The following DOCK1 variants were observed in gnomAD, a reference collection of about 807,000 sequenced individuals.
The protein encoded by DOCK1 is dedicator of cytokinesis 1, also known as dedicator of cytokinesis protein 1.
Under a neutral mutation model 262.7 loss-of-function variants are expected in DOCK1, and 138 were observed. That is an observed-to-expected ratio of 0.53 (90% CI 0.46 to 0.61). The LOEUF is 0.61. Among genes scored for constraint, DOCK1 ranks in the 20% least tolerant of loss-of-function variants. The pLI is 0.00. For synonymous variants in DOCK1, 866 were observed against 867.4 expected (o/e 1.00, Z 0.03); for missense variants, 1,908 against 2,370.7 (o/e 0.80, Z 4.05).
At chr10:127,305,478 G>A (rs2061839972) in intron 29 of DOCK1, among the ~76,000 whole-genome samples, 1 of 152,100 alleles carries the variant, frequency 6.6e-6, no homozygotes, top group African/African-American at 2.4e-5. Context: ...AACACACATT[G>A]CTGGACCTTA....
intron 27 of DOCK1, among the ~76,000 whole-genome samples, chr10:127,204,927 T>G (rs1462107675): frequency 6.6e-6 from 1 of 152,168 alleles, no homozygotes; most frequent in East Asian, 1.9e-4. Flanking sequence ...CCCATTTGAC[T>G]GTGGGTGGCC....
In DOCK1 at chr10:127,409,121, G is replaced by A. The variant is rs771871044; in HGVS notation, c.4207G>A (p.Glu1403Lys). 3.8e-5 allele frequency: 62 copies of A among 1,610,810 alleles called. No individual in the cohort carries two copies. Among genetic ancestry groups the A allele is most frequent in the Admixed American group, 1.5e-4 (9 of 59,480 alleles). The stretch of plus-strand genomic sequence containing the variant: ...GCTCTTAACTCAGTTTCCAAACGCC[G>A]AGAAAATGAAGACAACATCTCCACC... ...ARLLTQFPNA[E>K]KMKTTSPPGD... is the part of the protein sequence containing the mutation. Residue 1403 changes from glutamate to lysine, a missense_variant, in exon 41 of 52, where the codon GAG becomes AAG. Glu to Lys is a moderately conservative substitution (Grantham distance 56, BLOSUM62 1). Around this residue, in one of 9 missense-constraint regions of DOCK1, gnomAD observed 267 missense variants for 366.3 expected, o/e 0.73. Coordinates refer to ENST00000623213, the MANE Select transcript of DOCK1 (RefSeq NM_001290223.2).
Position 127,309,392 on chromosome 10 carries a change from T to A in DOCK1, c.3045-29614T>A, listed in dbSNP as rs146531438. Reference sequence around the variant, plus strand: ...ATTTTCTCCCATTCTGTAGGTTGCCTGTTCACTCTGATGATAGTTTCTTTT... The same window carrying A: ...ATTTTCTCCCATTCTGTAGGTTGCCAGTTCACTCTGATGATAGTTTCTTTT... On this transcript the variant is annotated intron_variant, in intron 29 of 51. Coordinates refer to ENST00000623213, the MANE Select transcript of DOCK1 (RefSeq NM_001290223.2). Among the ~76,000 whole-genome samples the A allele has an allele frequency of 5.9e-3, 902 of 152,320 alleles. 24 individuals carry two copies. The East Asian group carries it at 0.059, about 10-fold the overall frequency.
At chr10:127,129,238 T>C (rs1243601177) in intron 27 of DOCK1, among the ~76,000 whole-genome samples, 1 of 151,838 alleles carries the variant, frequency 6.6e-6, no homozygotes, top group Non-Finnish European at 1.5e-5. Flanking sequence ...CTTCAGCACA[T>C]GTGAGGTTCA....
In DOCK1 at chr10:126,951,585, ATTG is replaced by A. The variant is rs1178549603; in HGVS notation, c.47-19113_47-19111del. 7.4e-4 allele frequency among the ~76,000 whole-genome samples: 111 copies of A among 149,574 alleles called. 2 individuals carry two copies. Among genetic ancestry groups the A allele is most frequent in the Admixed American group, 1.6e-3 (23 of 14,756 alleles). On this transcript the variant is annotated intron_variant, in intron 1 of 51. Coordinates refer to ENST00000623213, the MANE Select transcript of DOCK1 (RefSeq NM_001290223.2). Reference sequence around the variant, plus strand: ...TGGTGGTGATTGTGGTGGTGGTAGTATTGTTGGTAGTGTTTTTGGTAGTGTTGG... The same window carrying A: ...TGGTGGTGATTGTGGTGGTGGTAGTATTGGTAGTGTTTTTGGTAGTGTTGG...
intron 1 of DOCK1, among the ~76,000 whole-genome samples, chr10:126,922,275 A>G (rs2033283081): frequency 6.6e-6 from 1 of 151,038 alleles, no homozygotes; most frequent in Non-Finnish European, 1.5e-5. Context: ...TAAGCTGTAC[A>G]GGAGTCATGG....
At chr10:127,370,961 C>T (rs1426154207) in intron 33 of DOCK1, among the ~76,000 whole-genome samples, 1 of 152,262 alleles carries the variant, frequency 6.6e-6, no homozygotes, top group Non-Finnish European at 1.5e-5. Flanking sequence ...GAGTGAGCCT[C>T]TGCCACCTTT....
intron 30 of DOCK1, among the ~76,000 whole-genome samples, chr10:127,340,645 GA>G (rs1436784914): frequency 2.0e-5 from 3 of 152,142 alleles, no homozygotes; most frequent in African/African-American, 7.2e-5. Flanking sequence ...AAGTTTGATG[GA>G]AAATGATCAA....
intron 1 of DOCK1, among the ~76,000 whole-genome samples, chr10:126,948,538 A>C: frequency 6.6e-6 from 1 of 151,576 alleles, no homozygotes; most frequent in East Asian, 1.9e-4. Context: ...ATCTGGATGA[A>C]CCTCTTTTTT....
chr10:127,401,571 C>T (rs199912496), intron 38 of DOCK1, among the ~76,000 whole-genome samples: 44 of 152,242 alleles, frequency 2.9e-4, no homozygotes, highest in Admixed American at 2.4e-3. Flanking sequence ...AGTTAAACTC[C>T]GCCATTTTGC....
chr10:127,112,906 T>G (rs2048952964), intron 25 of DOCK1, among the ~76,000 whole-genome samples: 1 of 152,178 alleles, frequency 6.6e-6, no homozygotes, highest in African/African-American at 2.4e-5. Flanking sequence ...GCGTTTTTCT[T>G]AAAACAACCT....
chr10:127,020,456 A>T (rs2042332372), intron 13 of DOCK1, among the ~76,000 whole-genome samples: 1 of 151,974 alleles, frequency 6.6e-6, no homozygotes, highest in African/African-American at 2.4e-5. Flanking sequence ...AGTAGCAGGT[A>T]CTAGGGAGGC....
chr10:127,111,007 G>C (rs2048832278), intron 25 of DOCK1, among the ~76,000 whole-genome samples: 1 of 152,186 alleles, frequency 6.6e-6, no homozygotes, highest in Admixed American at 6.5e-5. Flanking sequence ...TCTGTTGAGT[G>C]ACATTCTGAC....
chr10:126,932,611 GA>G (rs2034266553), intron 1 of DOCK1, among the ~76,000 whole-genome samples: 1 of 152,108 alleles, frequency 6.6e-6, no homozygotes, highest in South Asian at 2.1e-4. Context: ...GGCACCAGGG[GA>G]AACAAGGCCC....
At chr10:126,970,046 A>G (rs1343672828) in intron 1 of DOCK1, among the ~76,000 whole-genome samples, 1 of 152,114 alleles carries the variant, frequency 6.6e-6, no homozygotes, top group East Asian at 1.9e-4. Flanking sequence ...GGCCTTAAAC[A>G]CTTTGTAGCA....
intron 48 of DOCK1, among the ~76,000 whole-genome samples, chr10:127,435,367 G>A (rs191001757): frequency 2.8e-4 from 43 of 152,256 alleles, no homozygotes; most frequent in Middle Eastern, 6.8e-3. Context: ...CCCAAGGGAC[G>A]GCTCAACTCG....
chr10:127,413,917 A>AT (rs368961860), intron 43 of DOCK1, among the ~76,000 whole-genome samples: 20,639 of 149,022 alleles, frequency 0.14, 1,602 homozygotes, highest in East Asian at 0.22. Flanking sequence ...TTTTCTGAAA[A>AT]TTTTTTTTTT....
chr10:127,137,802 T>C (rs553097128), intron 27 of DOCK1: 1 of 1,586,332 alleles, frequency 6.3e-7, no homozygotes, highest in Admixed American at 1.8e-5. Context: ...CAGTGGGTTC[T>C]AAAGACGGCC....
At chr10:127,161,736 C>G (rs2053608987) in intron 27 of DOCK1, among the ~76,000 whole-genome samples, 1 of 152,190 alleles carries the variant, frequency 6.6e-6, no homozygotes, top group African/African-American at 2.4e-5. Context: ...GCTCCATTTC[C>G]TCTGCCAGAA....
Sources: allele counts gnomAD v4.1 joint callset (sites outside exome capture counted in the v4.1 genomes callset), GRCh38; gene constraint gnomAD v4.1.1; regional missense constraint gnomAD v4.1.1; transcripts MANE v1.5; gene names NCBI Gene and HGNC (gene_info 2026-07-23, HGNC 2026-07-21).